The following EDA variants were observed in gnomAD, a reference collection of about 807,000 sequenced individuals.
EDA encodes the protein ectodysplasin-A.
A neutral mutation model predicts 23.6 loss-of-function variants in EDA; 2 were observed. That is an observed-to-expected ratio of 0.08 (90% CI 0.03 to 0.27). EDA has a LOEUF of 0.27. Among genes scored for constraint, EDA ranks in the 10% least tolerant of loss-of-function variants. EDA has a pLI of 1.00. For missense variants in EDA, 229 were observed against 324.2 expected (o/e 0.71, Z 2.26); for synonymous variants, 131 against 132.0 (o/e 0.99, Z 0.05).
chrX:69,755,018 G>A (rs2014054041), intron 1 of EDA, among the ~76,000 whole-genome samples: 1 of 112,069 alleles, frequency 8.9e-6, no homozygotes, highest in African/African-American at 3.2e-5. Flanking sequence ...TTAGCTTGGA[G>A]AAGTTTGTTG....
intron 2 of EDA, among the ~76,000 whole-genome samples, chrX:69,976,128 G>C (rs1254119446): frequency 9.0e-6 from 1 of 111,540 alleles, no homozygotes; most frequent in Non-Finnish European, 1.9e-5. Context: ...AGTAATACAT[G>C]CTCCTTTTAA....
intron 1 of EDA, chrX:69,693,148 T>C (rs1450012444): frequency 1.8e-5 from 2 of 111,530 alleles, no homozygotes; most frequent in Non-Finnish European, 3.8e-5. Context: ...GGACACAGTC[T>C]GGGTGGGGAA....
intron 1 of EDA, among the ~76,000 whole-genome samples, chrX:69,805,539 G>A (rs951321139): frequency 9.0e-6 from 1 of 111,400 alleles, no homozygotes; most frequent in Non-Finnish European, 1.9e-5. Flanking sequence ...GCTTAGGAAA[G>A]TAAGACAAAA....
At chrX:69,846,931 C>A (rs141534815) in intron 1 of EDA, among the ~76,000 whole-genome samples, 1 of 111,515 alleles carries the variant, frequency 9.0e-6, no homozygotes, top group Non-Finnish European at 1.9e-5. Flanking sequence ...ACCTAATAAA[C>A]CTTACTGCAA....
At chrX:69,835,916 T>A (rs1289253445) in intron 1 of EDA, among the ~76,000 whole-genome samples, 1 of 111,693 alleles carries the variant, frequency 9.0e-6, no homozygotes, top group Non-Finnish European at 1.9e-5. Flanking sequence ...GACCTTTTTG[T>A]TGATGTTGAT....
At chrX:69,895,249 G>A (rs751935124) in intron 1 of EDA, among the ~76,000 whole-genome samples, 13 of 110,656 alleles carry the variant, frequency 1.2e-4, no homozygotes, top group Non-Finnish European at 2.3e-4. Flanking sequence ...TGCATCGAAG[G>A]AATAAAGCCT....
At chrX:69,652,495 G>A (rs755048575) in intron 1 of EDA, among the ~76,000 whole-genome samples, 4 of 111,677 alleles carry the variant, frequency 3.6e-5, no homozygotes, top group African/African-American at 6.5e-5. Flanking sequence ...TAAAAAAAGG[G>A]ATTCTAAATT....
chrX:69,746,423 A>G, intron 1 of EDA, among the ~76,000 whole-genome samples: 1 of 111,751 alleles, frequency 8.9e-6, no homozygotes, highest in Admixed American at 9.5e-5. Context: ...CTATTCTCCT[A>G]CATATACAGT....
At chrX:69,652,466 A>T (rs753423986) in intron 1 of EDA, among the ~76,000 whole-genome samples, 1 of 111,873 alleles carries the variant, frequency 8.9e-6, no homozygotes, top group Admixed American at 9.5e-5. Flanking sequence ...ATCATTAGGG[A>T]CATGTTTTTG....
chrX:69,903,586 CACACACATAA>C (rs1418707214), intron 1 of EDA, among the ~76,000 whole-genome samples: 8 of 97,652 alleles, frequency 8.2e-5, no homozygotes, highest in Non-Finnish European at 1.2e-4. Context: ...TCCGCACACA[CACACACATAA>C]ACACACACAC....
intron 1 of EDA, among the ~76,000 whole-genome samples, chrX:69,749,152 T>C (rs1193493285): frequency 1.3e-5 from 1 of 74,988 alleles, no homozygotes; most frequent in Non-Finnish European, 2.5e-5. Context: ...TGTGATCTCA[T>C]TGTTCAATTC....
At chrX:69,699,756 G>T (rs374770506) in intron 1 of EDA, among the ~76,000 whole-genome samples, 1 of 110,599 alleles carries the variant, frequency 9.0e-6, no homozygotes, top group Admixed American at 9.7e-5. Flanking sequence ...GGAAAGTGAG[G>T]ACGGGGGCTG....
intron 1 of EDA, among the ~76,000 whole-genome samples, chrX:69,807,614 C>A (rs1307019453): frequency 9.2e-6 from 1 of 108,382 alleles, no homozygotes; most frequent in Non-Finnish European, 1.9e-5. Context: ...AGACCACATC[C>A]TGTGTGTGTC....
chrX:70,007,135 G>A (rs913633288), intron 2 of EDA, among the ~76,000 whole-genome samples: 7 of 111,885 alleles, frequency 6.3e-5, no homozygotes, highest in Admixed American at 1.9e-4. Context: ...GATTACTGTA[G>A]CTTTATAGTA....
At chrX:69,865,134 A>C (rs941333954) in intron 1 of EDA, among the ~76,000 whole-genome samples, 6 of 111,282 alleles carry the variant, frequency 5.4e-5, no homozygotes, top group Non-Finnish European at 9.4e-5. Flanking sequence ...GAATCAAACA[A>C]GCATAAAAAA....
chrX:69,993,795 C>T (rs1045517754), intron 2 of EDA, among the ~76,000 whole-genome samples: 40 of 112,039 alleles, frequency 3.6e-4, no homozygotes, highest in African/African-American at 1.2e-3. Flanking sequence ...CTCCTGCTTC[C>T]TCTCTCATCC....
At chrX:69,965,670 GTGTT>G (rs2019162344) in intron 2 of EDA, among the ~76,000 whole-genome samples, 1 of 112,251 alleles carries the variant, frequency 8.9e-6, no homozygotes, top group African/African-American at 3.2e-5. Flanking sequence ...AGAAAACTGA[GTGTT>G]TGGGGCTGAG....
intron 2 of EDA, among the ~76,000 whole-genome samples, chrX:70,002,666 C>T (rs1479562307): frequency 8.9e-6 from 1 of 112,332 alleles, no homozygotes; most frequent in Non-Finnish European, 1.9e-5. Context: ...AAAGTTCTGC[C>T]ACTTACTAGC....
chrX:69,807,892 G>A (rs1416169611), intron 1 of EDA, among the ~76,000 whole-genome samples: 2 of 111,525 alleles, frequency 1.8e-5, no homozygotes, highest in Admixed American at 1.9e-4. Context: ...CACAGTTCTG[G>A]TACTGCCAGG....
Sources: gnomAD v4.1 joint callset for allele counts (sites outside exome capture counted in the v4.1 genomes callset) on GRCh38, gnomAD v4.1.1 for gene constraint, MANE v1.5 for transcripts, NCBI Gene and HGNC (gene_info 2026-07-23, HGNC 2026-07-21) for gene names.